Variants in GRID1 observed in about 807,000 individuals in gnomAD.
GRID1 encodes glutamate ionotropic receptor delta type subunit 1.
GRID1 carries 28 observed loss-of-function variants against 98.0 expected under a neutral mutation model. The ratio of observed to expected loss-of-function variants is 0.29; its 90% CI spans 0.21 to 0.39. The LOEUF is 0.39. Among genes scored for constraint, GRID1 ranks in the 10% least tolerant of loss-of-function variants. The pLI is 1.00. For synonymous variants in GRID1, 553 were observed against 538.5 expected (o/e 1.03, Z -0.37); for missense variants, 1,111 against 1,340.5 (o/e 0.83, Z 2.67).
At chr10:85,905,928 A>G (rs1484670632) in intron 5 of GRID1, among the ~76,000 whole-genome samples, 1 of 152,168 alleles carries the variant, frequency 6.6e-6, no homozygotes, top group East Asian at 1.9e-4. Flanking sequence ...AGTATAAATT[A>G]TCTAAAATTC....
chr10:85,654,284 C>T (rs888856258), intron 12 of GRID1, among the ~76,000 whole-genome samples: 3 of 152,054 alleles, frequency 2.0e-5, no homozygotes, highest in African/African-American at 7.2e-5. Context: ...AAATAAACTG[C>T]TAAAAACTCA....
At chr10:86,036,560 C>T (rs1020829493) in intron 4 of GRID1, among the ~76,000 whole-genome samples, 2 of 152,202 alleles carry the variant, frequency 1.3e-5, no homozygotes, top group African/African-American at 4.8e-5. Context: ...ACTGATTTCT[C>T]CAGAGGGCCA....
chr10:86,318,382 T>G (rs955413882), intron 2 of GRID1, among the ~76,000 whole-genome samples: 2 of 152,230 alleles, frequency 1.3e-5, no homozygotes, highest in African/African-American at 4.8e-5. Context: ...ACACCTTCTG[T>G]CACCAGTCAA....
chr10:85,854,468 A>G (rs560296168), intron 8 of GRID1, 28 bp downstream of exon 8: 2 of 1,611,614 alleles, frequency 1.2e-6, no homozygotes, highest in African/African-American at 2.7e-5. Flanking sequence ...TAGCAGGAAG[A>G]TTGGAAGACA....
chr10:86,342,570 C>T (rs983588179), intron 2 of GRID1, among the ~76,000 whole-genome samples: 4 of 152,232 alleles, frequency 2.6e-5, no homozygotes, highest in Admixed American at 6.5e-5. Flanking sequence ...CTGAGACCCA[C>T]GGGCTGGCCA....
chr10:86,131,118 G>A, intron 4 of GRID1, among the ~76,000 whole-genome samples: 1 of 152,160 alleles, frequency 6.6e-6, no homozygotes, highest in East Asian at 1.9e-4. Flanking sequence ...GCTTCTCTGA[G>A]ATAAATTCAT....
intron 2 of GRID1, among the ~76,000 whole-genome samples, chr10:86,302,002 C>T (rs1327862701): frequency 1.3e-5 from 2 of 152,248 alleles, no homozygotes; most frequent in African/African-American, 2.4e-5. Flanking sequence ...GCTCCCAGGC[C>T]ACCTGACTGG....
chr10:85,848,375 T>G (rs1843026662), intron 8 of GRID1, among the ~76,000 whole-genome samples: 1 of 152,132 alleles, frequency 6.6e-6, no homozygotes, highest in Non-Finnish European at 1.5e-5. Flanking sequence ...AATAATGTGG[T>G]GAAAATACCT....
intron 2 of GRID1, among the ~76,000 whole-genome samples, chr10:86,254,574 C>G (rs1470666687): frequency 2.0e-5 from 3 of 148,462 alleles, no homozygotes; most frequent in African/African-American, 7.7e-5. Flanking sequence ...TTGATACTCA[C>G]GTTGCAGCCC....
At chr10:85,660,602 C>G (rs1053348504) in intron 12 of GRID1, among the ~76,000 whole-genome samples, 5 of 151,938 alleles carry the variant, frequency 3.3e-5, no homozygotes, top group African/African-American at 1.2e-4. Context: ...CAGGACCCTA[C>G]AGTGGATCAT....
At chr10:86,051,054 G>A (rs972955499) in intron 4 of GRID1, among the ~76,000 whole-genome samples, 1 of 151,342 alleles carries the variant, frequency 6.6e-6, no homozygotes, top group African/African-American at 2.4e-5. Context: ...CTCCAGCCTG[G>A]GCAACCAGAG....
intron 4 of GRID1, among the ~76,000 whole-genome samples, chr10:86,132,696 G>A (rs1844855967): frequency 6.6e-6 from 1 of 152,180 alleles, no homozygotes; most frequent in Non-Finnish European, 1.5e-5. Flanking sequence ...CGTTGAGATT[G>A]CTAATTTACC....
chr10:86,289,013 A>T (rs1847474212), intron 2 of GRID1, among the ~76,000 whole-genome samples: 1 of 152,162 alleles, frequency 6.6e-6, no homozygotes, highest in African/African-American at 2.4e-5. Context: ...ATATGTGTAG[A>T]CACCACTGTT....
At chr10:86,259,256 A>G (rs957033549) in intron 2 of GRID1, among the ~76,000 whole-genome samples, 2 of 152,206 alleles carry the variant, frequency 1.3e-5, no homozygotes, top group Non-Finnish European at 2.9e-5. Flanking sequence ...GTCAGCCCTA[A>G]CAGTTTAACC....
At chr10:85,787,434 T>C (rs1404983176) in intron 8 of GRID1, among the ~76,000 whole-genome samples, 2 of 152,124 alleles carry the variant, frequency 1.3e-5, no homozygotes, top group Non-Finnish European at 2.9e-5. Flanking sequence ...GCTCCTGCCA[T>C]GTCCTGGGGC....
In GRID1 at chr10:85,613,567, G is replaced by T. The variant is rs911832401; in HGVS notation, c.2441C>A (p.Thr814Asn). The T allele has an allele frequency of 6.2e-7, 1 of 1,614,058 alleles. No homozygotes were observed. Among genetic ancestry groups the T allele is most frequent in the Non-Finnish European group, 8.5e-7 (1 of 1,180,040 alleles). The change falls in exon 15 of 16, where the codon ACC becomes AAC. Residue 814 changes from threonine (T) to asparagine (N), a missense_variant. By Grantham distance (65) the Thr-to-Asn change is moderately conservative. Transcript: ENST00000327946. ...WWPHMGRCDLTSHASAQADGK... is the reference protein window; with the variant it reads ...WWPHMGRCDLNSHASAQADGK... ...GTCGGCCTGGGCGCTGGCATGGCTG[G>T]TGAGGTCACAGCGGCCCATGTGCGG...
chr10:86,246,488 G>C (rs1467320011), intron 2 of GRID1, among the ~76,000 whole-genome samples: 2 of 152,136 alleles, frequency 1.3e-5, no homozygotes, highest in South Asian at 4.1e-4. Context: ...CAACCCGGCC[G>C]CACCTGGGCC....
intron 8 of GRID1, among the ~76,000 whole-genome samples, chr10:85,801,142 C>T (rs988322172): frequency 6.6e-6 from 1 of 151,736 alleles, no homozygotes; most frequent in African/African-American, 2.4e-5. Flanking sequence ...ATGCTAATAA[C>T]TTTTAGAAGT....
At chr10:85,957,867 G>A (rs1264190861) in intron 4 of GRID1, among the ~76,000 whole-genome samples, 3 of 152,218 alleles carry the variant, frequency 2.0e-5, no homozygotes, top group Non-Finnish European at 4.4e-5. Context: ...CAGGGTGAAC[G>A]TGACATGGAA....
Sources: allele counts gnomAD v4.1 joint callset (sites outside exome capture counted in the v4.1 genomes callset), GRCh38; gene constraint gnomAD v4.1.1; transcripts MANE v1.5; gene names NCBI Gene and HGNC (gene_info 2026-07-23, HGNC 2026-07-21).